Variants in KCNK2 observed in about 807,000 individuals in gnomAD.
KCNK2 encodes potassium two pore domain channel subfamily K member 2, also known as potassium channel subfamily K member 2.
A neutral mutation model predicts 40.5 loss-of-function variants in KCNK2; 21 were observed. The ratio of observed to expected loss-of-function variants is 0.52; its 90% CI spans 0.37 to 0.75. The LOEUF (loss-of-function observed/expected upper bound fraction) is 0.75, where lower values mean the gene tolerates loss of function less well. Among genes scored for constraint, KCNK2 ranks in the 30% least tolerant of loss-of-function variants. The pLI, the probability that KCNK2 is intolerant of heterozygous loss-of-function variation, is 0.00. For missense variants in KCNK2, 399 were observed against 531.6 expected (o/e 0.75, Z 2.45); for synonymous variants, 191 against 202.2 (o/e 0.94, Z 0.47).
At chr1:215,132,048 G>C (rs1661702551) in intron 3 of KCNK2, among the ~76,000 whole-genome samples, 1 of 152,174 alleles carries the variant, frequency 6.6e-6, no homozygotes, top group African/African-American at 2.4e-5. Context: ...AAAATTAAAA[G>C]TTTGCAGTAA....
chr1:215,030,046 G>A (rs562150707), intron 1 of KCNK2, among the ~76,000 whole-genome samples: 1 of 152,300 alleles, frequency 6.6e-6, no homozygotes, highest in African/African-American at 2.4e-5. Flanking sequence ...AAGAGTTCTT[G>A]TTATTCCACA....
chr1:215,079,631 G>C (rs1445447833), upstream of KCNK2, among the ~76,000 whole-genome samples: 1 of 152,170 alleles, frequency 6.6e-6, no homozygotes, highest in Non-Finnish European at 1.5e-5. Context: ...CAACATTGAG[G>C]ATTACAATTT....
chr1:215,236,704 A>G lies in KCNK2; in HGVS notation c.*1559A>G, dbSNP rs1666913145. On this transcript the variant is annotated 3_prime_UTR_variant, in exon 7 of 7. Coordinates refer to ENST00000444842, the MANE Select transcript of KCNK2 (RefSeq NM_001017425.3). ...TATATATATATAATTTTTAAAATGC[A>G]GAAAGAAAATAATTTCCCTAAATAT... The G allele has an allele frequency of 6.6e-6, 1 of 152,130 alleles. No individual in the cohort carries two copies. Among genetic ancestry groups the G allele is most frequent in the African/African-American group, 2.4e-5 (1 of 41,422 alleles). 9.4% of individuals were successfully genotyped at this position (152,130 alleles called of 1,614,324 possible).
intron 6 of KCNK2, among the ~76,000 whole-genome samples, chr1:215,196,510 T>C (rs1261137916): frequency 6.6e-6 from 1 of 152,234 alleles, no homozygotes; most frequent in African/African-American, 2.4e-5. Flanking sequence ...TCAGTCTGTA[T>C]GCATTAGTCT....
chr1:215,143,106 C>T (rs1662255906), intron 3 of KCNK2, among the ~76,000 whole-genome samples: 1 of 152,134 alleles, frequency 6.6e-6, no homozygotes, highest in Non-Finnish European at 1.5e-5. Flanking sequence ...TAGTGGCTTT[C>T]ATATTTCTTC....
Position 215,236,554 on chromosome 1 carries a change from T to C in KCNK2, c.*1409T>C, listed in dbSNP as rs1666904840. 1 of 152,636 alleles carries C rather than the reference T, an allele frequency of 6.6e-6. No individual in the cohort carries two copies. The highest frequency in any genetic ancestry group is 6.5e-5 in the Admixed American group (1 of 15,276). The allele number at this position is 152,636 out of a possible 1,614,324, so 9.5% of individuals were successfully genotyped here. A position where few individuals can be genotyped will look rare whatever the true frequency, so the allele number is the denominator to read the frequency against. On this transcript the variant is annotated 3_prime_UTR_variant, in exon 7 of 7. Coordinates refer to ENST00000444842, the MANE Select transcript of KCNK2 (RefSeq NM_001017425.3). ...TCACATAAAAGAGGCTGATTATTCT[T>C]TTTAGTTTAATTTTATATCCTGTAA...
In KCNK2 at chr1:215,124,760, A is replaced by G; in HGVS notation, c.475+10A>G. The G allele has an allele frequency of 6.6e-7, 1 of 1,516,374 alleles. No homozygotes were observed. Among genetic ancestry groups the G allele is most frequent in the African/African-American group, 1.4e-5 (1 of 72,880 alleles). The allele number at this position is 1,516,374 out of a possible 1,614,324, so 93.9% of individuals were successfully genotyped here. A position where few individuals can be genotyped will look rare whatever the true frequency, so the allele number is the denominator to read the frequency against. ...GTTATTACAACCATAGGTAGGAGACAACTTATTTTTGTTTTTTGTTTTGAT... is the reference window on the plus strand; with the variant it reads ...GTTATTACAACCATAGGTAGGAGACGACTTATTTTTGTTTTTTGTTTTGAT... On this transcript the variant is annotated intron_variant, in intron 3 of 6. Coordinates refer to ENST00000444842, the MANE Select transcript of KCNK2 (RefSeq NM_001017425.3).
chr1:215,096,595 T>A (rs1192731990), intron 2 of KCNK2, among the ~76,000 whole-genome samples: 1 of 151,956 alleles, frequency 6.6e-6, no homozygotes, highest in African/African-American at 2.4e-5. Context: ...CTTGTGCTGT[T>A]GGGGCAAGGT....
intron 4 of KCNK2, among the ~76,000 whole-genome samples, chr1:215,170,747 C>A (rs1275169827): frequency 6.6e-6 from 1 of 151,938 alleles, no homozygotes; most frequent in East Asian, 1.9e-4. Flanking sequence ...AAAGAATTAT[C>A]TGTTTATATT....
intron 2 of KCNK2, among the ~76,000 whole-genome samples, chr1:215,112,391 A>C (rs951754043): frequency 5.3e-5 from 8 of 152,094 alleles, no homozygotes; most frequent in African/African-American, 1.2e-4. Flanking sequence ...AAAGATATAA[A>C]GAAAAAATAT....
chr1:215,183,992 T>G (rs1027752023), intron 5 of KCNK2, among the ~76,000 whole-genome samples: 1 of 152,158 alleles, frequency 6.6e-6, no homozygotes, highest in Non-Finnish European at 1.5e-5. Context: ...AAAGCTTTGC[T>G]TTTGGTCAAA....
At chr1:215,018,555 A>C (rs1656671464) in intron 1 of KCNK2, among the ~76,000 whole-genome samples, 1 of 152,192 alleles carries the variant, frequency 6.6e-6, no homozygotes, top group South Asian at 2.1e-4. Context: ...CCTCTTTAAA[A>C]ACGATAGTTA....
chr1:215,089,947 C>T (rs542051556), intron 2 of KCNK2, among the ~76,000 whole-genome samples: 1 of 151,888 alleles, frequency 6.6e-6, no homozygotes, highest in Non-Finnish European at 1.5e-5. Context: ...CTACCTCAGC[C>T]TCCTGAGTAG....
intron 5 of KCNK2, among the ~76,000 whole-genome samples, chr1:215,188,241 G>A (rs1326955583): frequency 6.6e-6 from 1 of 152,138 alleles, no homozygotes; most frequent in Non-Finnish European, 1.5e-5. Flanking sequence ...AGTACCCTGT[G>A]CTCCCTCCTA....
chr1:215,086,260 G>A (rs1571895001), intron 1 of KCNK2, 108 bp from the exon 2 acceptor site: 9 of 882,592 alleles, frequency 1.0e-5, no homozygotes, highest in Admixed American at 2.4e-5. Flanking sequence ...GCTTCCACTA[G>A]GAGAGCGAGC....
chr1:215,015,917 C>G (rs1010335231), intron 1 of KCNK2, among the ~76,000 whole-genome samples: 1 of 152,124 alleles, frequency 6.6e-6, no homozygotes, highest in Non-Finnish European at 1.5e-5. Flanking sequence ...AATTGGAAAC[C>G]TCTCCATTAA....
intron 2 of KCNK2, among the ~76,000 whole-genome samples, chr1:215,124,308 A>G (rs891584716): frequency 6.6e-6 from 1 of 152,180 alleles, no homozygotes; most frequent in Non-Finnish European, 1.5e-5. Flanking sequence ...TGTGGTGGTT[A>G]CTGGAGGACA....
intron 2 of KCNK2, among the ~76,000 whole-genome samples, chr1:215,124,205 A>G (rs970028934): frequency 6.6e-6 from 1 of 152,142 alleles, no homozygotes; most frequent in South Asian, 2.1e-4. Flanking sequence ...TATATTTAAC[A>G]TTTGAAATGA....
intron 5 of KCNK2, among the ~76,000 whole-genome samples, chr1:215,179,759 TGAGATTTGCTTTATG>T (rs1664148995): frequency 6.6e-6 from 1 of 152,104 alleles, no homozygotes; most frequent in Non-Finnish European, 1.5e-5. Context: ...TTAAATTTAT[TGAGATTTGCTTTATG>T]GCTGAGCATG....
Sources: gnomAD v4.1 joint callset for allele counts (sites outside exome capture counted in the v4.1 genomes callset) on GRCh38, gnomAD v4.1.1 for gene constraint, MANE v1.5 for transcripts, NCBI Gene and HGNC (gene_info 2026-07-23, HGNC 2026-07-21) for gene names.